NEDD4: variants seen among roughly 807,000 people sequenced by gnomAD.
The protein encoded by NEDD4 is NEDD4 E3 ubiquitin protein ligase, also known as E3 ubiquitin-protein ligase NEDD4.
NEDD4 carries 99 observed loss-of-function variants against 144.9 expected under a neutral mutation model. That is an observed-to-expected ratio of 0.68 (90% CI 0.58 to 0.81). The LOEUF is 0.81. NEDD4 is among the 30% of genes least tolerant of loss of function. NEDD4 has a pLI of 0.00. For synonymous variants in NEDD4, 318 were observed against 350.6 expected (o/e 0.91, Z 1.04); for missense variants, 985 against 1,065.9 (o/e 0.92, Z 1.06).
chr15:55,870,033 G>C (rs1331619160), intron 7 of NEDD4, among the ~76,000 whole-genome samples: 1 of 152,060 alleles, frequency 6.6e-6, no homozygotes, highest in Admixed American at 6.6e-5. Context: ...AGGCATATGA[G>C]TAAAGAAGAG....
intron 4 of NEDD4, among the ~76,000 whole-genome samples, chr15:55,930,332 T>C (rs1566956771): frequency 6.6e-6 from 1 of 152,180 alleles, no homozygotes; most frequent in Non-Finnish European, 1.5e-5. Context: ...TCACTGTATG[T>C]TATCTATTAA....
intron 1 of NEDD4, among the ~76,000 whole-genome samples, chr15:55,988,604 A>G (rs183304787): frequency 3.3e-5 from 5 of 152,270 alleles, no homozygotes; most frequent in East Asian, 1.9e-4. Flanking sequence ...CCAGAAAAGG[A>G]AAAAGAGAAA....
chr15:55,844,263 G>T (rs1234582798), intron 18 of NEDD4, among the ~76,000 whole-genome samples: 1 of 152,202 alleles, frequency 6.6e-6, no homozygotes, highest in Non-Finnish European at 1.5e-5. Flanking sequence ...AGGGTGGACA[G>T]TGTGAATGCA....
intron 1 of NEDD4, among the ~76,000 whole-genome samples, chr15:55,972,444 A>C (rs2037627713): frequency 6.6e-6 from 1 of 152,202 alleles, no homozygotes; most frequent in African/African-American, 2.4e-5. Context: ...AATCAGAGTT[A>C]AACTGTTATC....
rs535526177 is a variant in NEDD4, at chr15:55,984,978, A to T, written c.45+8533T>A. On this transcript the variant is annotated intron_variant, in intron 1 of 28. Transcript: ENST00000435532. ...TCAACTGGTTCCTGCATGTCTCCAA[A>T]TGCTATAGAATATTTCTGAGACAGC... Among the ~76,000 whole-genome samples, 12 of 152,322 alleles carry T rather than the reference A, an allele frequency of 7.9e-5. No individual in the cohort carries two copies. In the South Asian group the frequency reaches 2.3e-3, roughly 29 times the overall value.
At chr15:55,845,591 T>C (rs571082378) in intron 18 of NEDD4, among the ~76,000 whole-genome samples, 12 of 152,154 alleles carry the variant, frequency 7.9e-5, no homozygotes, top group African/African-American at 2.9e-4. Flanking sequence ...CTGGAAGACA[T>C]TAATAATTAG....
At chr15:55,929,080 C>G (rs775132802) in intron 4 of NEDD4, among the ~76,000 whole-genome samples, 13 of 152,108 alleles carry the variant, frequency 8.5e-5, no homozygotes, top group Non-Finnish European at 1.6e-4. Flanking sequence ...ACCTAGCAGA[C>G]AGATGAAGCA....
At chr15:55,946,143 C>T (rs756011926) in intron 4 of NEDD4, among the ~76,000 whole-genome samples, 1 of 152,182 alleles carries the variant, frequency 6.6e-6, no homozygotes. Flanking sequence ...GGATCAAATT[C>T]ACACATAACA....
In NEDD4 at chr15:55,862,948, T is replaced by G; in HGVS notation, c.639A>C (p.Glu213Asp). The G allele has an allele frequency of 1.2e-6, 2 of 1,610,466 alleles. No individual in the cohort carries two copies. The highest frequency in any genetic ancestry group is 1.3e-5 in the African/African-American group (1 of 74,964). ...GTCTTTTCCACTGTGTTCTTCTAGATTCATGGTTTACATAATAGGTCCTTC... is the reference window on the plus strand; with the variant it reads ...GTCTTTTCCACTGTGTTCTTCTAGAGTCATGGTTTACATAATAGGTCCTTC... ...ILGRTYYVNHESRRTQWKRPT... is the reference protein window; with the variant it reads ...ILGRTYYVNHDSRRTQWKRPT... The change falls in exon 9 of 29, where the codon GAA becomes GAC. Residue 213 changes from glutamate (E) to aspartate (D), a missense_variant. Coordinates refer to ENST00000435532, the MANE Select transcript of NEDD4 (RefSeq NM_006154.4).
At chr15:55,966,857 T>G (rs1044488218) in intron 1 of NEDD4, among the ~76,000 whole-genome samples, 1 of 152,200 alleles carries the variant, frequency 6.6e-6, no homozygotes, top group Non-Finnish European at 1.5e-5. Context: ...TTGCTATATA[T>G]GTACACAAAA....
chr15:55,946,197 GAC>G (rs1566963993), intron 4 of NEDD4, among the ~76,000 whole-genome samples: 1 of 152,150 alleles, frequency 6.6e-6, no homozygotes. Context: ...CCCATTAAAA[GAC>G]ACAGACTGGC....
chr15:55,974,639 A>G (rs1393727217), intron 1 of NEDD4, among the ~76,000 whole-genome samples: 3 of 152,076 alleles, frequency 2.0e-5, no homozygotes, highest in African/African-American at 7.2e-5. Context: ...GTCAAATGTC[A>G]TATCAACAGA....
At chr15:55,949,732 A>G (rs1193526831) in intron 4 of NEDD4, among the ~76,000 whole-genome samples, 6 of 152,112 alleles carry the variant, frequency 3.9e-5, no homozygotes, top group Non-Finnish European at 7.3e-5. Context: ...GTTCTCACTC[A>G]TAGGTGGGAA....
chr15:55,887,866 A>G (rs1441142121), intron 5 of NEDD4, among the ~76,000 whole-genome samples: 1 of 152,232 alleles, frequency 6.6e-6, no homozygotes, highest in Non-Finnish European at 1.5e-5. Flanking sequence ...ACATCAACAG[A>G]ATGAAGTATT....
intron 26 of NEDD4, among the ~76,000 whole-genome samples, chr15:55,833,698 A>G (rs747348587): frequency 2.0e-5 from 3 of 152,102 alleles, no homozygotes; most frequent in Non-Finnish European, 4.4e-5. Flanking sequence ...AATGGCATAC[A>G]TATTTCTCTA....
At chr15:55,935,477 T>G (rs748705432) in intron 4 of NEDD4, among the ~76,000 whole-genome samples, 3 of 152,128 alleles carry the variant, frequency 2.0e-5, no homozygotes, top group Non-Finnish European at 4.4e-5. Context: ...GTAGGAAATA[T>G]GCACATTACA....
At chr15:55,906,728 A>G (rs1024107810) in intron 5 of NEDD4, among the ~76,000 whole-genome samples, 9 of 152,208 alleles carry the variant, frequency 5.9e-5, no homozygotes, top group Non-Finnish European at 1.2e-4. Context: ...ACATGTATAC[A>G]TATGTAACAA....
At chr15:55,837,985 G>A (rs2033290410) in intron 23 of NEDD4, 122 bp downstream of exon 23, 1 of 890,750 alleles carries the variant, frequency 1.1e-6, no homozygotes, top group Non-Finnish European at 1.7e-6. Context: ...CTACTGCATT[G>A]TGATAGAGAA....
At chr15:55,974,206 A>C (rs2037661825) in intron 1 of NEDD4, among the ~76,000 whole-genome samples, 1 of 152,206 alleles carries the variant, frequency 6.6e-6, no homozygotes, top group Non-Finnish European at 1.5e-5. Flanking sequence ...ACAACCTTCC[A>C]AGATTGAACC....
Sources: gnomAD v4.1 joint callset for allele counts (sites outside exome capture counted in the v4.1 genomes callset) on GRCh38, gnomAD v4.1.1 for gene constraint, MANE v1.5 for transcripts, NCBI Gene and HGNC (gene_info 2026-07-23, HGNC 2026-07-21) for gene names.